The following PTPRG variants were observed in gnomAD, a reference collection of about 807,000 sequenced individuals.
The protein encoded by PTPRG is protein tyrosine phosphatase receptor type G.
PTPRG carries 102 observed loss-of-function variants against 165.3 expected under a neutral mutation model. The ratio of observed to expected loss-of-function variants is 0.62; its 90% CI spans 0.53 to 0.73. The LOEUF (loss-of-function observed/expected upper bound fraction) is 0.73, where lower values mean the gene tolerates loss of function less well. Among genes scored for constraint, PTPRG ranks in the 30% least tolerant of loss-of-function variants. PTPRG has a pLI of 0.00. For missense variants in PTPRG, 1,866 were observed against 1,861.4 expected (o/e 1.00, Z -0.05); for synonymous variants, 675 against 669.5 (o/e 1.01, Z -0.13).
intron 12 of PTPRG, among the ~76,000 whole-genome samples, chr3:62,216,864 C>T (rs1355678459): frequency 6.6e-6 from 1 of 152,190 alleles, no homozygotes; most frequent in Non-Finnish European, 1.5e-5. Flanking sequence ...GGTCTCCGTG[C>T]AGAACACCCT....
intron 1 of PTPRG, among the ~76,000 whole-genome samples, chr3:61,720,796 G>GT (rs2032012893): frequency 1.3e-5 from 2 of 152,180 alleles, no homozygotes; most frequent in Non-Finnish European, 2.9e-5. Flanking sequence ...CTCCATTGAT[G>GT]GATTAATCCC....
intron 1 of PTPRG, among the ~76,000 whole-genome samples, chr3:61,671,182 C>T (rs1702973053): frequency 7.1e-6 from 1 of 140,970 alleles, no homozygotes; most frequent in Non-Finnish European, 1.5e-5. Context: ...GGGTGTTTCT[C>T]GCAGAGGGGG....
At chr3:62,230,849 C>T (rs1348880307) in intron 13 of PTPRG, among the ~76,000 whole-genome samples, 1 of 152,198 alleles carries the variant, frequency 6.6e-6, no homozygotes, top group African/African-American at 2.4e-5. Context: ...TCACTTTACT[C>T]CAATGATATT....
Position 61,748,862 on chromosome 3 carries a change from T to C in PTPRG, c.86-16T>C, listed in dbSNP as rs1452289397. The C allele has an allele frequency of 3.1e-6, 5 of 1,609,432 alleles. No homozygotes were observed. The highest frequency in any genetic ancestry group is 4.2e-6 in the Non-Finnish European group (5 of 1,177,260). On this transcript the variant is annotated splice_polypyrimidine_tract_variant and intron_variant, in intron 1 of 29. Transcript: ENST00000474889. Reference sequence around the variant, plus strand: ...GGTGCTGCCTTTGTCTCATTGTGGGTTTTCCTCTCTTCCAGCGTTGACAGA... The same window carrying C: ...GGTGCTGCCTTTGTCTCATTGTGGGCTTTCCTCTCTTCCAGCGTTGACAGA...
At chr3:62,279,456 G>A (rs1576216339) in intron 26 of PTPRG, among the ~76,000 whole-genome samples, 1 of 152,036 alleles carries the variant, frequency 6.6e-6, no homozygotes, top group Admixed American at 6.6e-5. Flanking sequence ...TTTCTTTAAA[G>A]TAAGTAGTTT....
chr3:61,925,016 A>G (rs2107570366), intron 2 of PTPRG, among the ~76,000 whole-genome samples: 1 of 152,354 alleles, frequency 6.6e-6, no homozygotes, highest in Admixed American at 6.5e-5. Flanking sequence ...TAAGAACCCC[A>G]CAGAACACAC....
rs559416065 is a variant in PTPRG at position 61,945,451 on chromosome 3, C to T, written c.191-44174C>T. Reference sequence around the variant, plus strand: ...GTAGGCGCCTATAATCCCAGCTACTCGGGAGGCTGCGGCAGGAGAATTGCT... The same window carrying T: ...GTAGGCGCCTATAATCCCAGCTACTTGGGAGGCTGCGGCAGGAGAATTGCT... On this transcript the variant is annotated intron_variant, in intron 2 of 29. Coordinates refer to ENST00000474889, the MANE Select transcript of PTPRG (RefSeq NM_002841.4). 3.5e-4 allele frequency among the ~76,000 whole-genome samples: 51 copies of T among 146,918 alleles called. No homozygotes were observed. The East Asian group carries it at 8.6e-3, about 25-fold the overall frequency.
At chr3:61,766,140 ATACT>A (rs780629103) in intron 2 of PTPRG, among the ~76,000 whole-genome samples, 8 of 152,222 alleles carry the variant, frequency 5.3e-5, no homozygotes, top group Non-Finnish European at 1.0e-4. Context: ...TGGCTCAGAA[ATACT>A]TTTTCTTTAA....
At position 62,214,254 on chromosome 3, in the gene PTPRG, G is replaced by A. The variant is rs1011195479; in HGVS notation, c.2156-4597G>A. 6.6e-6 allele frequency among the ~76,000 whole-genome samples: 1 copy of A among 152,188 alleles called. No homozygotes were observed. The highest frequency in any genetic ancestry group is 2.4e-5 in the African/African-American group (1 of 41,452). On this transcript the variant is annotated intron_variant, in intron 12 of 29. Coordinates refer to ENST00000474889, the MANE Select transcript of PTPRG (RefSeq NM_002841.4). This position sits in a 1 kb window ranked among gnomAD's most constrained non-coding sequence, Gnocchi z 5.2. ...TCACCATCTCCTGCTGCTGTGTGAGGGTGCTGAGGAAGAGAGTGGTGGTGA... is the reference window on the plus strand; with the variant it reads ...TCACCATCTCCTGCTGCTGTGTGAGAGTGCTGAGGAAGAGAGTGGTGGTGA...
chr3:62,131,792 G>A (rs1983163), intron 5 of PTPRG, among the ~76,000 whole-genome samples: 53,265 of 151,914 alleles, frequency 0.35, 9,528 homozygotes, highest in Middle Eastern at 0.42. Context: ...TGTATACCCC[G>A]CTCACTCCCC....
chr3:62,118,641 C>T (rs1372901980), intron 5 of PTPRG: 1 of 152,032 alleles, frequency 6.6e-6, no homozygotes, highest in Non-Finnish European at 1.5e-5. Flanking sequence ...AATTCCATAC[C>T]ACTTTTCAGT....
intron 2 of PTPRG, among the ~76,000 whole-genome samples, chr3:61,913,993 C>T (rs2038869383): frequency 6.6e-6 from 1 of 152,152 alleles, no homozygotes; most frequent in African/African-American, 2.4e-5. Flanking sequence ...AGTGTTATAA[C>T]AAAAGGAAAA....
At position 62,273,655 on chromosome 3, in the gene PTPRG, C is replaced by T; in HGVS notation, c.3319-43C>T. On this transcript the variant is annotated intron_variant, in intron 22 of 29. Coordinates refer to ENST00000474889, the MANE Select transcript of PTPRG (RefSeq NM_002841.4). The surrounding 1 kb of genome is among the most constrained non-coding windows in gnomAD (Gnocchi z 4.1). ...TACACTTCATGAATGAGTGGCTAAC[C>T]CTTAACACTCCCTCAGTGACTACCA... 1 of 1,599,172 alleles carries T rather than the reference C, an allele frequency of 6.3e-7. No homozygotes were observed. The highest frequency in any genetic ancestry group is 8.6e-7 in the Non-Finnish European group (1 of 1,167,466).
At chr3:62,092,528 T>C (rs900619180) in intron 5 of PTPRG, among the ~76,000 whole-genome samples, 2 of 151,588 alleles carry the variant, frequency 1.3e-5, no homozygotes, top group Non-Finnish European at 2.9e-5. Context: ...AGATAATGAA[T>C]GAAGACATTC....
At chr3:61,736,682 A>G (rs1477238723) in intron 1 of PTPRG, among the ~76,000 whole-genome samples, 2 of 152,154 alleles carry the variant, frequency 1.3e-5, no homozygotes, top group Admixed American at 6.5e-5. Flanking sequence ...GCACAGGTGG[A>G]AGTACACACT....
At chr3:61,828,801 G>A (rs2036186394) in intron 2 of PTPRG, among the ~76,000 whole-genome samples, 1 of 152,168 alleles carries the variant, frequency 6.6e-6, no homozygotes, top group Non-Finnish European at 1.5e-5. Flanking sequence ...ACAGTGACAG[G>A]GATTATGTGA....
intron 1 of PTPRG, among the ~76,000 whole-genome samples, chr3:61,680,501 G>GAAAAAAAA (rs34153657): frequency 1.2e-5 from 1 of 85,226 alleles, no homozygotes; most frequent in Non-Finnish European, 2.4e-5. Context: ...TCAGCTTTAT[G>GAAAAAAAA]AAAAAAAAAA....
chr3:62,251,022 G>A (rs533304129), intron 15 of PTPRG, among the ~76,000 whole-genome samples: 5 of 152,208 alleles, frequency 3.3e-5, no homozygotes, highest in South Asian at 2.1e-4. Flanking sequence ...TTTTATAATC[G>A]GGTGATTTAG....
At chr3:61,625,380 G>A (rs964757892) in intron 1 of PTPRG, among the ~76,000 whole-genome samples, 12 of 152,016 alleles carry the variant, frequency 7.9e-5, no homozygotes, top group African/African-American at 2.7e-4. Flanking sequence ...AAATTGTCCT[G>A]TTGTATAAAT....
Sources: allele counts gnomAD v4.1 joint callset (sites outside exome capture counted in the v4.1 genomes callset), GRCh38; gene constraint gnomAD v4.1.1; non-coding constraint Gnocchi (gnomAD v3.1); transcripts MANE v1.5; gene names NCBI Gene and HGNC (gene_info 2026-07-23, HGNC 2026-07-21).